LAMA2: variants seen among roughly 807,000 people sequenced by gnomAD.
LAMA2 encodes the protein laminin subunit alpha 2.
A neutral mutation model predicts 364.8 loss-of-function variants in LAMA2; 269 were observed. The observed-to-expected ratio is 0.74, with a 90% CI of 0.67 to 0.82. The LOEUF (loss-of-function observed/expected upper bound fraction) is 0.82, where lower values mean the gene tolerates loss of function less well. Among genes scored for constraint, LAMA2 ranks in the 40% least tolerant of loss-of-function variants. The pLI, the probability that LAMA2 is intolerant of heterozygous loss-of-function variation, is 0.00. For synonymous variants in LAMA2, 1,379 were observed against 1,370.6 expected, an observed-to-expected ratio of 1.01 and a Z score of -0.14; for missense variants, 3,807 against 3,873.2, an observed-to-expected ratio of 0.98 and a Z score of 0.45.
intron 41 of LAMA2, among the ~76,000 whole-genome samples, chr6:129,436,012 G>A (rs1179601613): frequency 1.3e-5 from 2 of 152,092 alleles, no homozygotes; most frequent in Non-Finnish European, 2.9e-5. Context: ...TGCCTTCTCT[G>A]GGTACCAGGA....
intron 14 of LAMA2, among the ~76,000 whole-genome samples, chr6:129,253,300 G>C (rs1294001707): frequency 6.6e-6 from 1 of 152,084 alleles, no homozygotes; most frequent in Non-Finnish European, 1.5e-5. Context: ...TGACAACCCG[G>C]TATACCTTTA....
At chr6:128,961,781 C>A (rs1272745228) in intron 1 of LAMA2, among the ~76,000 whole-genome samples, 1 of 151,864 alleles carries the variant, frequency 6.6e-6, no homozygotes, top group South Asian at 2.1e-4. Flanking sequence ...TCAATCCAAT[C>A]AAGTTGACAC....
intron 1 of LAMA2, among the ~76,000 whole-genome samples, chr6:128,938,263 T>G (rs1779948850): frequency 6.6e-6 from 1 of 152,130 alleles, no homozygotes; most frequent in South Asian, 2.1e-4. Flanking sequence ...CCTCCCTGAC[T>G]GATTGTGAAG....
chr6:129,282,659 A>C (rs1461450235), intron 18 of LAMA2, among the ~76,000 whole-genome samples: 7 of 152,224 alleles, frequency 4.6e-5, no homozygotes, highest in Non-Finnish European at 8.8e-5. Flanking sequence ...CGTCCTCCTA[A>C]TTACCTTTCC....
At chr6:129,498,069 T>A (rs965872709) in intron 58 of LAMA2, among the ~76,000 whole-genome samples, 2 of 152,246 alleles carry the variant, frequency 1.3e-5, no homozygotes, top group Non-Finnish European at 2.9e-5. Flanking sequence ...TGCAAGTATG[T>A]GCACTGTTTA....
intron 51 of LAMA2, among the ~76,000 whole-genome samples, chr6:129,469,991 C>T (rs1783732398): frequency 6.6e-6 from 1 of 151,764 alleles, no homozygotes; most frequent in Admixed American, 6.6e-5. Context: ...CATAAAGAAA[C>T]TTCTGGGGTG....
At chr6:128,910,253 C>G (rs1282004228) in intron 1 of LAMA2, among the ~76,000 whole-genome samples, 1 of 152,230 alleles carries the variant, frequency 6.6e-6, no homozygotes, top group East Asian at 1.9e-4. Flanking sequence ...GTTTCATTCT[C>G]CCCGTCACTT....
chr6:128,997,348 AAG>A (rs1457810620), intron 1 of LAMA2, among the ~76,000 whole-genome samples: 1 of 110,578 alleles, frequency 9.0e-6, no homozygotes, highest in Admixed American at 8.8e-5. Context: ...GAAAGAAAGA[AAG>A]AAAGAACGAA....
chr6:129,285,261 A>G (rs9321157), intron 18 of LAMA2, among the ~76,000 whole-genome samples: 151,603 of 152,272 alleles, frequency 1, 75,474 homozygotes, highest in Middle Eastern at 1. Flanking sequence ...ACACACACCC[A>G]TACACCAGTA....
intron 10 of LAMA2, among the ~76,000 whole-genome samples, chr6:129,189,867 G>C (rs1781429592): frequency 6.6e-6 from 1 of 152,088 alleles, no homozygotes; most frequent in Non-Finnish European, 1.5e-5. Context: ...TAACAGAACA[G>C]TGAACCTAAC....
intron 56 of LAMA2, 21 bp downstream of exon 56, chr6:129,486,643 T>C (rs1784601220): frequency 1.2e-6 from 2 of 1,607,352 alleles, no homozygotes; most frequent in Non-Finnish European, 1.7e-6. Flanking sequence ...CACTAAAATA[T>C]TTATTATTGT....
chr6:128,983,109 G>A (rs1023848076), intron 1 of LAMA2, among the ~76,000 whole-genome samples: 4 of 151,766 alleles, frequency 2.6e-5, no homozygotes, highest in African/African-American at 9.7e-5. Context: ...ATGATTTATA[G>A]TCCTTTGGGT....
intron 4 of LAMA2, among the ~76,000 whole-genome samples, chr6:129,126,661 A>G (rs192947763): frequency 2.6e-5 from 4 of 152,344 alleles, no homozygotes; most frequent in Admixed American, 1.3e-4. Context: ...TTAAATATGA[A>G]TATCAGAAAC....
chr6:129,464,969 C>T (rs1783466056), intron 50 of LAMA2, among the ~76,000 whole-genome samples, 176 bp from the exon 51 acceptor site: 1 of 151,878 alleles, frequency 6.6e-6, no homozygotes, highest in Non-Finnish European at 1.5e-5. Context: ...AATATCACAG[C>T]CACAAAAATT....
chr6:128,889,683 G>A (rs964240675), intron 1 of LAMA2, among the ~76,000 whole-genome samples: 9 of 152,004 alleles, frequency 5.9e-5, no homozygotes, highest in African/African-American at 2.2e-4. Context: ...AGATAGTAAG[G>A]CAAAACTTTA....
intron 1 of LAMA2, among the ~76,000 whole-genome samples, chr6:128,937,083 A>G (rs926218607): frequency 6.6e-6 from 1 of 152,184 alleles, no homozygotes; most frequent in Non-Finnish European, 1.5e-5. Context: ...TTTTCCACTT[A>G]ATATTTTCAG....
chr6:129,475,581 C>A (rs1784030115), intron 53 of LAMA2, among the ~76,000 whole-genome samples, 180 bp downstream of exon 53: 1 of 151,722 alleles, frequency 6.6e-6, no homozygotes, highest in African/African-American at 2.4e-5. Flanking sequence ...GGCCGACATT[C>A]TGCTGCTTAC....
intron 30 of LAMA2, among the ~76,000 whole-genome samples, chr6:129,342,851 G>A (rs968010622): frequency 1.3e-5 from 2 of 151,956 alleles, no homozygotes; most frequent in South Asian, 2.1e-4. Context: ...TATAATTTTT[G>A]TGGCTGTTTC....
At chr6:128,933,816 A>T (rs2114522530) in intron 1 of LAMA2, among the ~76,000 whole-genome samples, 1 of 152,208 alleles carries the variant, frequency 6.6e-6, no homozygotes, top group African/African-American at 2.4e-5. Flanking sequence ...AGTTGTATGA[A>T]TTCCTTATAT....
Sources: allele counts gnomAD v4.1 joint callset (sites outside exome capture counted in the v4.1 genomes callset), GRCh38; gene constraint gnomAD v4.1.1; transcripts MANE v1.5; gene names NCBI Gene and HGNC (gene_info 2026-07-23, HGNC 2026-07-21).